The following ELF1 variants were observed in gnomAD, a reference collection of about 807,000 sequenced individuals.
ELF1 encodes the protein E74 like ETS transcription factor 1.
ELF1 carries 24 observed loss-of-function variants against 59.9 expected under a neutral mutation model. The ratio of observed to expected loss-of-function variants is 0.40; its 90% confidence interval spans 0.29 to 0.56. The LOEUF is 0.56. ELF1 is among the 20% of genes least tolerant of loss of function. ELF1 has a pLI of 0.44. For missense variants in ELF1, 627 were observed against 742.2 expected (o/e 0.84, Z 1.80); for synonymous variants, 248 against 266.2 (o/e 0.93, Z 0.67).
chr13:41,017,446 A>C (rs1376250550), intron 1 of ELF1, among the ~76,000 whole-genome samples: 1 of 152,236 alleles, frequency 6.6e-6, no homozygotes, highest in Middle Eastern at 3.4e-3. Context: ...TTCAGCACTA[A>C]AGTTCTATAA....
intron 5 of ELF1, among the ~76,000 whole-genome samples, chr13:40,947,118 C>T (rs922189525): frequency 4.7e-5 from 7 of 147,904 alleles, no homozygotes; most frequent in Admixed American, 4.7e-4. Flanking sequence ...GAACGAGACT[C>T]CATCTCAAAA....
At chr13:40,972,651 T>C (rs181787089) in intron 2 of ELF1, among the ~76,000 whole-genome samples, 25 of 152,294 alleles carry the variant, frequency 1.6e-4, no homozygotes, top group East Asian at 3.9e-4. Flanking sequence ...GGTAAATGCA[T>C]TGCATAAGCA....
At chr13:40,994,161 G>C (rs546816203) in intron 1 of ELF1, among the ~76,000 whole-genome samples, 2 of 152,062 alleles carry the variant, frequency 1.3e-5, no homozygotes, top group Non-Finnish European at 1.5e-5. Context: ...CTTTCACATA[G>C]TTCTTCACTT....
chr13:41,038,427 G>A (rs1337272678), intron 1 of ELF1, among the ~76,000 whole-genome samples: 1 of 151,862 alleles, frequency 6.6e-6, no homozygotes, highest in African/African-American at 2.4e-5. Context: ...TGAGGCAGGA[G>A]GACTGCTTGA....
upstream of ELF1, among the ~76,000 whole-genome samples, chr13:41,023,796 A>G (rs1055529793): frequency 6.6e-6 from 1 of 152,314 alleles, no homozygotes. Context: ...TGTCTGCACT[A>G]TATTCCCATC....
chr13:41,053,685 T>C (rs1039375157), intron 1 of ELF1, among the ~76,000 whole-genome samples: 4 of 152,230 alleles, frequency 2.6e-5, no homozygotes, highest in African/African-American at 9.6e-5. Flanking sequence ...GCTCATCTCT[T>C]AGGAAAGTTT....
chr13:40,996,646 C>T (rs1348213082), intron 1 of ELF1, among the ~76,000 whole-genome samples: 1 of 152,098 alleles, frequency 6.6e-6, no homozygotes, highest in Non-Finnish European at 1.5e-5. Context: ...ACAAGTGCAC[C>T]GCTCTGGTGC....
At chr13:40,968,721 C>CTTTTTTTTTTT (rs35089615) in intron 2 of ELF1, among the ~76,000 whole-genome samples, 60 of 137,370 alleles carry the variant, frequency 4.4e-4, no homozygotes, top group African/African-American at 1.5e-3. Flanking sequence ...TTTCTATATT[C>CTTTTTTTTTTT]TTTTTTTTTT....
At chr13:40,996,973 TG>T (rs1874158617) in intron 1 of ELF1, among the ~76,000 whole-genome samples, 1 of 152,302 alleles carries the variant, frequency 6.6e-6, no homozygotes, top group South Asian at 2.1e-4. Flanking sequence ...GCCTTCTGTC[TG>T]TACTCACTGC....
intron 2 of ELF1, among the ~76,000 whole-genome samples, chr13:40,961,871 G>A (rs1002158175): frequency 5.9e-5 from 9 of 152,218 alleles, no homozygotes; most frequent in Admixed American, 2.6e-4. Context: ...AGAGACAGGC[G>A]TGTAAAATGC....
intron 1 of ELF1, among the ~76,000 whole-genome samples, chr13:40,987,351 C>T (rs1192892009): frequency 2.0e-5 from 3 of 149,646 alleles, no homozygotes; most frequent in Admixed American, 6.6e-5. Flanking sequence ...GAGGCCGAGG[C>T]GGGTAGATTA....
chr13:40,949,637 G>C (rs1870722369), intron 5 of ELF1, among the ~76,000 whole-genome samples, 169 bp downstream of exon 5: 1 of 152,196 alleles, frequency 6.6e-6, no homozygotes, highest in Non-Finnish European at 1.5e-5. Flanking sequence ...TTACAGGCAT[G>C]AATCTCCGTG....
chr13:40,987,597 A>AG (rs1393716759), intron 1 of ELF1, among the ~76,000 whole-genome samples: 2 of 134,410 alleles, frequency 1.5e-5, no homozygotes, highest in Non-Finnish European at 3.3e-5. Context: ...AAAAAAAAAA[A>AG]AAAAAAAGAA....
chr13:40,950,127 C>G (rs1870760185), intron 4 of ELF1, among the ~76,000 whole-genome samples, 154 bp from the exon 5 acceptor site: 1 of 152,146 alleles, frequency 6.6e-6, no homozygotes, highest in Non-Finnish European at 1.5e-5. Flanking sequence ...TTCCCAAAAT[C>G]AAATACCCTA....
Position 40,933,283 on chromosome 13 carries a change from T to C in ELF1, c.*142A>G, listed in dbSNP as rs1869529931. ...GAAACAGTTGAGTTTTCCTCCCTCA[T>C]CTAACAAAGTCAAAATTAACTCTAT... On this transcript the variant is annotated 3_prime_UTR_variant, in exon 9 of 9. Transcript: ENST00000239882. 6 of 1,097,040 alleles carry C rather than the reference T, an allele frequency of 5.5e-6. No individual in the cohort carries two copies. The highest frequency in any genetic ancestry group is 7.5e-6 in the Non-Finnish European group (6 of 794,826). The allele number at this position is 1,097,040 out of a possible 1,614,324, so 68.0% of individuals were successfully genotyped here.
intron 2 of ELF1, among the ~76,000 whole-genome samples, chr13:40,973,519 C>G (rs1385788824): frequency 2.0e-5 from 3 of 151,986 alleles, no homozygotes; most frequent in Admixed American, 6.6e-5. Context: ...TATGTGTTCA[C>G]TGAAATGGAA....
chr13:41,039,118 G>C (rs1179031002), intron 1 of ELF1, among the ~76,000 whole-genome samples: 3 of 151,310 alleles, frequency 2.0e-5, no homozygotes, highest in African/African-American at 7.3e-5. Flanking sequence ...CTATAACCTA[G>C]GCCAGGTACA....
At chr13:41,044,920 G>C (rs1365760091) in intron 1 of ELF1, among the ~76,000 whole-genome samples, 1 of 152,094 alleles carries the variant, frequency 6.6e-6, no homozygotes, top group African/African-American at 2.4e-5. Context: ...ACTCCATCTG[G>C]TCCTGGACTT....
At chr13:41,052,337 T>C (rs1012844936) in intron 1 of ELF1, among the ~76,000 whole-genome samples, 3 of 152,216 alleles carry the variant, frequency 2.0e-5, no homozygotes, top group Non-Finnish European at 2.9e-5. Context: ...GTAACCATTA[T>C]AGCATAAAAA....
Sources: gnomAD v4.1 joint callset for allele counts (sites outside exome capture counted in the v4.1 genomes callset) on GRCh38, gnomAD v4.1.1 for gene constraint, MANE v1.5 for transcripts, NCBI Gene and HGNC (gene_info 2026-07-23, HGNC 2026-07-21) for gene names.